Variants in MPDZ observed in about 807,000 individuals in gnomAD.
MPDZ encodes the protein multiple PDZ domain crumbs cell polarity complex component.
MPDZ carries 234 observed loss-of-function variants against 239.1 expected under a neutral mutation model. The ratio of observed to expected loss-of-function variants is 0.98; its 90% confidence interval spans 0.88 to 1.09. The LOEUF is 1.09. Among genes scored for constraint, MPDZ ranks in the 50% least tolerant of loss-of-function variants. The probability of loss-of-function intolerance (pLI) is 0.00; values close to 1 mark genes in which losing one functional copy is unlikely to be tolerated. For synonymous variants in MPDZ, 1,048 were observed against 881.3 expected (o/e 1.19, Z -3.35); for missense variants, 3,175 against 2,510.0 (o/e 1.26, Z -5.66).
chr9:13,254,940 A>G (rs1345044160), intron 1 of MPDZ, among the ~76,000 whole-genome samples: 1 of 152,146 alleles, frequency 6.6e-6, no homozygotes, highest in African/African-American at 2.4e-5. Flanking sequence ...TAAGACAACA[A>G]TGAGCTTTGC....
chr9:13,238,151 A>G (rs1964541578), intron 3 of MPDZ, among the ~76,000 whole-genome samples: 1 of 152,186 alleles, frequency 6.6e-6, no homozygotes, highest in Non-Finnish European at 1.5e-5. Context: ...CTGCAGACAT[A>G]AACAACCAAG....
rs1438028838 is a variant in MPDZ, at chr9:13,124,459, C to G, written c.4807+757G>C. On this transcript the variant is annotated intron_variant, in intron 35 of 46. Coordinates refer to ENST00000319217, the MANE Select transcript of MPDZ (RefSeq NM_001378778.1). ...AAAGAAATTTCTCCCCTCCACCCCC[C>G]GTTACAGAAAAAGCCAATGCCTTAT... Among the ~76,000 whole-genome samples the G allele has an allele frequency of 2.0e-5, 3 of 152,248 alleles. No individual in the cohort carries two copies. The East Asian group carries it at 5.8e-4, about 29-fold the overall frequency.
intron 1 of MPDZ, chr9:13,276,907 A>C (rs1470328092): frequency 6.6e-6 from 1 of 152,196 alleles, no homozygotes; most frequent in Non-Finnish European, 1.5e-5. Context: ...AATTCTAGAC[A>C]ATGGATTCAC....
At chr9:13,180,134 T>A (rs1311595439) in intron 19 of MPDZ, among the ~76,000 whole-genome samples, 3 of 152,126 alleles carry the variant, frequency 2.0e-5, no homozygotes, top group African/African-American at 7.2e-5. Context: ...AGTTTTTTAT[T>A]CTAACCCCAT....
Position 13,110,054 on chromosome 9 carries a change from C to A in MPDZ, c.5840G>T (p.Gly1947Val), listed in dbSNP as rs1942177012. 2 of 1,612,360 alleles carry A rather than the reference C, an allele frequency of 1.2e-6. No individual in the cohort carries two copies. Among genetic ancestry groups the A allele is most frequent in the Non-Finnish European group, 1.7e-6 (2 of 1,179,364 alleles). ...ACCTGTGACCACACTCACGTCTCCTCCAGCAACCACCTGCGCACAGGAGGA... is the reference window on the plus strand; with the variant it reads ...ACCTGTGACCACACTCACGTCTCCTACAGCAACCACCTGCGCACAGGAGGA... ...SGSIEMQVVAGGDVSVVTGHQ... is the reference protein window; with the variant it reads ...SGSIEMQVVAVGDVSVVTGHQ... Residue 1947 changes from glycine (G) to valine (V), a missense_variant, in exon 45 of 47, where the codon GGA (glycine) becomes GTA (valine). Transcript: ENST00000319217.
chr9:13,204,049 C>A (rs969279237), intron 12 of MPDZ, among the ~76,000 whole-genome samples: 18 of 151,984 alleles, frequency 1.2e-4, no homozygotes, highest in Non-Finnish European at 2.1e-4. Flanking sequence ...CATAAATATC[C>A]CTTTAAAATT....
At chr9:13,170,183 A>T (rs1951607045) in intron 21 of MPDZ, among the ~76,000 whole-genome samples, 1 of 152,128 alleles carries the variant, frequency 6.6e-6, no homozygotes. Flanking sequence ...GATGTCACAA[A>T]TTCCTTTTTA....
Position 13,207,988 on chromosome 9 carries a change from CAAAATGACTAT to C in MPDZ, c.1291-1900_1291-1890del, listed in dbSNP as rs542997245. On this transcript the variant is annotated intron_variant, in intron 10 of 46. Coordinates refer to ENST00000319217, the MANE Select transcript of MPDZ (RefSeq NM_001378778.1). Reference sequence around the variant, plus strand: ...AAGTCATTAATATTCCTTAGAATTGCAAAATGACTATAAAATGACTGTACGTGTAATGCTTT... The same window carrying C: ...AAGTCATTAATATTCCTTAGAATTGCAAAATGACTGTACGTGTAATGCTTT... Among the ~76,000 whole-genome samples, 371 of 152,198 alleles carry C rather than the reference CAAAATGACTAT, an allele frequency of 2.4e-3. 3 individuals are homozygous for C. The highest frequency in any genetic ancestry group is 8.1e-3 in the African/African-American group (336 of 41,528).
chr9:13,113,180 A>G (rs1942788213), intron 41 of MPDZ, 126 bp from the exon 42 acceptor site: 2 of 732,642 alleles, frequency 2.7e-6, no homozygotes, highest in Non-Finnish European at 4.5e-6. Flanking sequence ...GGGGTGCTCA[A>G]AGCTGCTAGT....
rs141782984 is a variant in MPDZ at position 13,271,051 on chromosome 9, T to C, written c.-58+8349A>G. 4.0e-3 allele frequency among the ~76,000 whole-genome samples: 616 copies of C among 152,296 alleles called. 20 individuals are homozygous for C. Among genetic ancestry groups the C allele is most frequent in the Admixed American group, 0.036 (546 of 15,294 alleles). ...TGCTGTGCTTAAACTCTTCATACGG[T>C]AGGATACAAAAGTTTATGGAAAGCC... On this transcript the variant is annotated intron_variant, in intron 1 of 46. Transcript: ENST00000319217.
chr9:13,209,581 A>C (rs1392428724), intron 10 of MPDZ, among the ~76,000 whole-genome samples: 2 of 152,232 alleles, frequency 1.3e-5, no homozygotes, highest in African/African-American at 4.8e-5. Context: ...GGAATGTGAA[A>C]TATCACGGTC....
At chr9:13,227,719 A>G (rs1961083233) in intron 3 of MPDZ, among the ~76,000 whole-genome samples, 1 of 152,142 alleles carries the variant, frequency 6.6e-6, no homozygotes, top group Admixed American at 6.6e-5. Flanking sequence ...GAACTGTATA[A>G]AAGTATTTAA....
chr9:13,236,554 T>C (rs1179278161), intron 3 of MPDZ, among the ~76,000 whole-genome samples: 1 of 151,654 alleles, frequency 6.6e-6, no homozygotes, highest in African/African-American at 2.4e-5. Context: ...GTGCTGGGAT[T>C]ACAGGCGTGA....
At chr9:13,269,510 G>A (rs1293319400) in intron 1 of MPDZ, among the ~76,000 whole-genome samples, 7 of 151,988 alleles carry the variant, frequency 4.6e-5, no homozygotes. Flanking sequence ...CATATAGAGA[G>A]GAGCATATTA....
intron 1 of MPDZ, among the ~76,000 whole-genome samples, chr9:13,272,889 C>G (rs368102643): frequency 6.6e-6 from 1 of 151,964 alleles, no homozygotes. Context: ...ATTAAGGGGG[C>G]TGCTATGGTC....
intron 19 of MPDZ, among the ~76,000 whole-genome samples, chr9:13,181,753 T>C (rs1953367028): frequency 6.6e-6 from 1 of 152,188 alleles, no homozygotes; most frequent in African/African-American, 2.4e-5. Flanking sequence ...CTTCTCAGTA[T>C]GCAGATTGTG....
At chr9:13,124,579 C>T (rs1944847153) in intron 35 of MPDZ, among the ~76,000 whole-genome samples, 1 of 152,094 alleles carries the variant, frequency 6.6e-6, no homozygotes, top group South Asian at 2.1e-4. Context: ...GAATAATGTA[C>T]CTCCATATAC....
At chr9:13,266,910 C>G (rs1261133239) in intron 1 of MPDZ, among the ~76,000 whole-genome samples, 1 of 152,176 alleles carries the variant, frequency 6.6e-6, no homozygotes, top group Non-Finnish European at 1.5e-5. Flanking sequence ...TCTACCCTGA[C>G]TAGAGTCGCT....
intron 34 of MPDZ, 130 bp from the exon 35 acceptor site, chr9:13,125,520 C>G: frequency 1.3e-6 from 1 of 791,496 alleles, no homozygotes; most frequent in Non-Finnish European, 1.9e-6. Flanking sequence ...CAAATTATTT[C>G]TTTGTCAGGA....
Sources: allele counts gnomAD v4.1 joint callset (sites outside exome capture counted in the v4.1 genomes callset), GRCh38; gene constraint gnomAD v4.1.1; transcripts MANE v1.5; gene names NCBI Gene and HGNC (gene_info 2026-07-23, HGNC 2026-07-21).